The following GRID2 variants were observed in gnomAD, a reference collection of about 807,000 sequenced individuals.
GRID2 encodes glutamate ionotropic receptor delta type subunit 2, also known as glutamate receptor ionotropic, delta-2.
GRID2 carries 33 observed loss-of-function variants against 114.8 expected under a neutral mutation model. The observed-to-expected ratio is 0.29, with a 90% confidence interval of 0.22 to 0.38. The LOEUF is 0.38. Ranked by LOEUF, GRID2 falls within the 10% of genes least tolerant of loss-of-function variation. GRID2 has a pLI of 1.00. For missense variants in GRID2, 1,184 were observed against 1,257.7 expected (o/e 0.94, Z 0.89); for synonymous variants, 505 against 449.9 (o/e 1.12, Z -1.55).
At chr4:92,903,324 T>C (rs547159875) in intron 2 of GRID2, among the ~76,000 whole-genome samples, 2 of 152,084 alleles carry the variant, frequency 1.3e-5, no homozygotes, top group South Asian at 2.1e-4. Flanking sequence ...TGTGGGTTCT[T>C]AGGTTTTTAT....
chr4:92,890,532 A>G lies in GRID2; in HGVS notation c.245-194463A>G, dbSNP rs190768720. On this transcript the variant is annotated intron_variant, in intron 2 of 15. Coordinates refer to ENST00000282020, the MANE Select transcript of GRID2 (RefSeq NM_001510.4). Reference sequence around the variant, plus strand: ...AAAAAAAAGCTCATCATCATTGGTCATTAGAGAAATGCAAATCAAACCACA... The same window carrying G: ...AAAAAAAAGCTCATCATCATTGGTCGTTAGAGAAATGCAAATCAAACCACA... Among the ~76,000 whole-genome samples, 398 of 152,358 alleles carry G rather than the reference A, an allele frequency of 2.6e-3. 4 individuals are homozygous for G. Among genetic ancestry groups the G allele is most frequent in the African/African-American group, 9.3e-3 (385 of 41,590 alleles).
intron 2 of GRID2, among the ~76,000 whole-genome samples, chr4:92,611,648 G>C (rs1729748947): frequency 6.6e-6 from 1 of 151,514 alleles, no homozygotes; most frequent in Non-Finnish European, 1.5e-5. Flanking sequence ...CTGGACAGCT[G>C]TGTACTATTT....
chr4:93,085,458 C>A (rs1202653849), intron 3 of GRID2, among the ~76,000 whole-genome samples, 179 bp downstream of exon 3: 1 of 152,114 alleles, frequency 6.6e-6, no homozygotes, highest in Non-Finnish European at 1.5e-5. Context: ...TTAAGTCCAA[C>A]ATTTTGGTAT....
intron 2 of GRID2, among the ~76,000 whole-genome samples, chr4:92,873,787 TCACCGCAACTTC>T (rs984654030): frequency 2.0e-5 from 3 of 152,198 alleles, no homozygotes; most frequent in Non-Finnish European, 4.4e-5. Flanking sequence ...TGATCTCGGC[TCACCGCAACTTC>T]CACCTCCTGG....
chr4:93,173,602 T>A (rs1739060004), intron 4 of GRID2, among the ~76,000 whole-genome samples: 1 of 152,160 alleles, frequency 6.6e-6, no homozygotes. Flanking sequence ...TATCATAACT[T>A]GGCTTACATA....
rs577886463 is a variant in GRID2 at position 93,415,455 on chromosome 4, A to C, written c.1348-7316A>C. 1.6e-4 allele frequency among the ~76,000 whole-genome samples: 24 copies of C among 152,182 alleles called. 1 individual carries two copies. Among genetic ancestry groups the C allele is most frequent in the African/African-American group, 5.3e-4 (22 of 41,548 alleles). Reference sequence around the variant, plus strand: ...GCACTCATACTCAAAACGCAGTCTGAGAGTTTGGTATTTTTCAGTTCCTAA... The same window carrying C: ...GCACTCATACTCAAAACGCAGTCTGCGAGTTTGGTATTTTTCAGTTCCTAA... On this transcript the variant is annotated intron_variant, in intron 9 of 15. Coordinates refer to ENST00000282020, the MANE Select transcript of GRID2 (RefSeq NM_001510.4).
At chr4:92,955,857 C>A (rs1263706141) in intron 2 of GRID2, among the ~76,000 whole-genome samples, 1 of 152,026 alleles carries the variant, frequency 6.6e-6, no homozygotes, top group Non-Finnish European at 1.5e-5. Context: ...TTCCCAGCAC[C>A]ATTTATTAAA....
chr4:93,082,791 G>A (rs1175426639), intron 2 of GRID2, among the ~76,000 whole-genome samples: 3 of 152,126 alleles, frequency 2.0e-5, no homozygotes, highest in Non-Finnish European at 4.4e-5. Context: ...CAAAGTTTTT[G>A]TATACAAAAT....
intron 2 of GRID2, among the ~76,000 whole-genome samples, chr4:92,877,658 C>T (rs1045816010): frequency 1.2e-4 from 18 of 152,102 alleles, no homozygotes; most frequent in Non-Finnish European, 1.2e-4. Context: ...AGGATACCTC[C>T]CATCCTTATC....
At chr4:93,204,645 C>T (rs1742488767) in intron 4 of GRID2, among the ~76,000 whole-genome samples, 1 of 152,096 alleles carries the variant, frequency 6.6e-6, no homozygotes, top group Admixed American at 6.6e-5. Context: ...TTATTTCTTG[C>T]TTTTGCCTAA....
chr4:92,656,513 G>A (rs1732243883), intron 2 of GRID2, among the ~76,000 whole-genome samples: 1 of 151,024 alleles, frequency 6.6e-6, no homozygotes, highest in African/African-American at 2.4e-5. Context: ...CACAGTAACA[G>A]GCCATGAAAA....
At chr4:92,926,539 A>G (rs1560709135) in intron 2 of GRID2, among the ~76,000 whole-genome samples, 3 of 152,010 alleles carry the variant, frequency 2.0e-5, no homozygotes, top group Admixed American at 6.6e-5. Context: ...TCATATTACC[A>G]AAGACATCCT....
chr4:93,671,655 C>A (rs571955469), intron 14 of GRID2, among the ~76,000 whole-genome samples: 1 of 152,092 alleles, frequency 6.6e-6, no homozygotes, highest in Non-Finnish European at 1.5e-5. Flanking sequence ...TAGAACAACA[C>A]TATATATATT....
chr4:92,953,618 G>C (rs530667524), intron 2 of GRID2, among the ~76,000 whole-genome samples: 1 of 152,132 alleles, frequency 6.6e-6, no homozygotes, highest in South Asian at 2.1e-4. Context: ...TTACTAACCA[G>C]AATTACAGCT....
intron 11 of GRID2, 66 bp from the exon 12 acceptor site, chr4:93,490,573 A>G: frequency 8.1e-7 from 1 of 1,236,334 alleles, no homozygotes; most frequent in Non-Finnish European, 1.2e-6. Context: ...TGTTGAATAT[A>G]GATGACTTCA....
intron 1 of GRID2, among the ~76,000 whole-genome samples, chr4:92,408,058 G>A (rs770196880): frequency 1.3e-5 from 2 of 152,110 alleles, no homozygotes; most frequent in Admixed American, 6.6e-5. Context: ...GATTGTCATA[G>A]TTTCAAGTCT....
At position 93,553,692 on chromosome 4, in the gene GRID2, T is replaced by G. The variant is rs536104158; in HGVS notation, c.2193+38281T>G. ...AACTTTTAAAAGTTAATCCACAAGTTTATTAAGGAAGATTTGTCTAAGGTT... is the reference window on the plus strand; with the variant it reads ...AACTTTTAAAAGTTAATCCACAAGTGTATTAAGGAAGATTTGTCTAAGGTT... On this transcript the variant is annotated intron_variant, in intron 13 of 15. Transcript: ENST00000282020. Among the ~76,000 whole-genome samples, 465 of 152,312 alleles carry G rather than the reference T, an allele frequency of 3.1e-3. 2 individuals are homozygous for G. Among genetic ancestry groups the G allele is most frequent in the African/African-American group, 0.01 (427 of 41,580 alleles).
chr4:93,354,270 T>C (rs2149265039), intron 8 of GRID2, among the ~76,000 whole-genome samples: 1 of 152,194 alleles, frequency 6.6e-6, no homozygotes, highest in Admixed American at 6.6e-5. Context: ...TGAAAGAATC[T>C]TATTTATTTT....
intron 2 of GRID2, among the ~76,000 whole-genome samples, chr4:92,848,051 T>C (rs1474562893): frequency 6.6e-6 from 1 of 152,014 alleles, no homozygotes; most frequent in African/African-American, 2.4e-5. Flanking sequence ...GATTTTGCTA[T>C]TGAAGTAATT....
Sources: allele counts gnomAD v4.1 joint callset (sites outside exome capture counted in the v4.1 genomes callset), GRCh38; gene constraint gnomAD v4.1.1; transcripts MANE v1.5; gene names NCBI Gene and HGNC (gene_info 2026-07-23, HGNC 2026-07-21).